The following DMD variants were observed in gnomAD, a reference collection of about 807,000 sequenced individuals.
DMD encodes dystrophin.
DMD carries 63 observed loss-of-function variants against 330.1 expected under a neutral mutation model. The ratio of observed to expected loss-of-function variants is 0.19; its 90% confidence interval spans 0.16 to 0.24. The LOEUF (loss-of-function observed/expected upper bound fraction) is 0.24. DMD is among the 10% of genes least tolerant of loss of function. The pLI, the probability that DMD is intolerant of heterozygous loss-of-function variation, is 1.00. For missense variants in DMD, 3,344 were observed against 2,684.1 expected, an observed-to-expected ratio of 1.25 and a Z score of -5.43; for synonymous variants, 1,223 against 959.8, an observed-to-expected ratio of 1.27 and a Z score of -5.07.
chrX:33,002,346 G>A (rs1188443761), intron 2 of DMD, among the ~76,000 whole-genome samples: 4 of 111,300 alleles, frequency 3.6e-5, no homozygotes, highest in Admixed American at 9.6e-5. Flanking sequence ...ATGCCATAGT[G>A]TGAGAGCGGG....
At chrX:33,308,115 G>A (rs772487933) in intron 1 of DMD, among the ~76,000 whole-genome samples, 4 of 112,279 alleles carry the variant, frequency 3.6e-5, no homozygotes, top group Non-Finnish European at 7.5e-5. Flanking sequence ...TTGTGAATGT[G>A]CCATAAATGA....
At chrX:32,922,413 A>G (rs1313635712) in intron 2 of DMD, among the ~76,000 whole-genome samples, 1 of 111,910 alleles carries the variant, frequency 8.9e-6, no homozygotes, top group Non-Finnish European at 1.9e-5. Context: ...TTGAGAAAAT[A>G]TTTAGACCTA....
At chrX:32,874,734 G>C (rs753834467) in intron 2 of DMD, among the ~76,000 whole-genome samples, 13 of 111,741 alleles carry the variant, frequency 1.2e-4, no homozygotes, top group Non-Finnish European at 2.3e-4. Flanking sequence ...ATCATTATTA[G>C]TAACTTTTAG....
intron 48 of DMD, among the ~76,000 whole-genome samples, chrX:31,846,053 T>C (rs764490602): frequency 3.1e-4 from 34 of 109,101 alleles, no homozygotes; most frequent in Non-Finnish European, 6.1e-4. Context: ...CAAGAAAAGA[T>C]AGAAAGAGCA....
At chrX:33,123,419 T>C (rs749205183) in intron 1 of DMD, among the ~76,000 whole-genome samples, 1 of 108,085 alleles carries the variant, frequency 9.3e-6, no homozygotes, top group Non-Finnish European at 1.9e-5. Context: ...TGTTCTACTT[T>C]CTTTTGTTTT....
intron 1 of DMD, among the ~76,000 whole-genome samples, chrX:33,265,186 G>A (rs944038722): frequency 9.1e-6 from 1 of 109,888 alleles, no homozygotes; most frequent in African/African-American, 3.3e-5. Flanking sequence ...TGTAGACTTG[G>A]CAAGTCTATA....
intron 1 of DMD, among the ~76,000 whole-genome samples, chrX:33,097,985 C>T (rs2095191789): frequency 9.0e-6 from 1 of 111,382 alleles, no homozygotes; most frequent in African/African-American, 3.3e-5. Flanking sequence ...ATGATAGATA[C>T]AGAACATTTC....
At chrX:31,794,780 A>T (rs1009936720) in intron 50 of DMD, among the ~76,000 whole-genome samples, 2 of 110,197 alleles carry the variant, frequency 1.8e-5, no homozygotes, top group African/African-American at 6.6e-5. Context: ...CCAATTGTTT[A>T]AAAAATGGCC....
At chrX:33,269,695 T>G (rs188977568) in intron 1 of DMD, among the ~76,000 whole-genome samples, 8 of 111,642 alleles carry the variant, frequency 7.2e-5, no homozygotes, top group Admixed American at 5.7e-4. Flanking sequence ...ATTGGGGTGA[T>G]ATAATACAAT....
At chrX:32,333,106 T>C (rs1191432093) in intron 41 of DMD, among the ~76,000 whole-genome samples, 1 of 111,803 alleles carries the variant, frequency 8.9e-6, no homozygotes, top group Non-Finnish European at 1.9e-5. Context: ...CATGTTTCAT[T>C]GATGTCCAGC....
chrX:32,346,713 A>G (rs1409991036), intron 38 of DMD, among the ~76,000 whole-genome samples: 1 of 111,904 alleles, frequency 8.9e-6, no homozygotes, highest in African/African-American at 3.2e-5. Context: ...AAATACGATC[A>G]AATAATACTA....
intron 31 of DMD, 57 bp from the exon 32 acceptor site, chrX:32,389,731 G>A: frequency 9.3e-7 from 1 of 1,069,791 alleles, no homozygotes; most frequent in South Asian, 1.9e-5. Context: ...ACAATAACTG[G>A]TCCTATTTTT....
chrX:32,132,362 A>G (rs2096700176), intron 44 of DMD, among the ~76,000 whole-genome samples: 1 of 111,827 alleles, frequency 8.9e-6, no homozygotes, highest in Non-Finnish European at 1.9e-5. Context: ...CACTTCTCAC[A>G]CATTTAAATC....
rs986918272 is a variant in DMD, at chrX:31,679,499, G to A, written c.7748C>T (p.Thr2583Ile). 38 of 1,210,125 alleles carry A rather than the reference G, an allele frequency of 3.1e-5. No homozygotes were observed. The highest frequency in any genetic ancestry group is 4.2e-5 in the Non-Finnish European group (38 of 895,162). The change falls in exon 53 of 79, where the codon ACA becomes ATA. Residue 2583 changes from threonine to isoleucine, a missense_variant. Thr to Ile is a moderately conservative substitution (Grantham distance 89). Transcript: ENST00000357033. Reference protein sequence around the residue: ...QQLNEMLKDSTQWLEAKEEAE... With the variant: ...QQLNEMLKDSIQWLEAKEEAE... The stretch of plus-strand genomic sequence containing the variant: ...TTCTTCCTTAGCTTCCAGCCATTGT[G>A]TTGAATCCTTTAACATTTCATTCAA...
At chrX:31,479,870 G>A (rs1214408639) in intron 57 of DMD, among the ~76,000 whole-genome samples, 2 of 111,846 alleles carry the variant, frequency 1.8e-5, no homozygotes, top group Non-Finnish European at 3.8e-5. Context: ...AACACTAGAA[G>A]CAGAGTGAAA....
At chrX:31,801,491 G>A (rs183074689) in intron 50 of DMD, among the ~76,000 whole-genome samples, 3 of 110,361 alleles carry the variant, frequency 2.7e-5, no homozygotes, top group East Asian at 5.7e-4. Context: ...AGATGTCTGG[G>A]GATCTAATGT....
At chrX:32,840,122 C>T (rs1167556082) in intron 4 of DMD, among the ~76,000 whole-genome samples, 2 of 112,076 alleles carry the variant, frequency 1.8e-5, no homozygotes, top group Non-Finnish European at 3.8e-5. Flanking sequence ...TGTCCTCTAA[C>T]GCATAGGCCA....
chrX:33,331,144 G>A (rs1421675526), intron 1 of DMD, among the ~76,000 whole-genome samples: 1 of 111,674 alleles, frequency 9.0e-6, no homozygotes, highest in East Asian at 2.8e-4. Flanking sequence ...CAGTTGGTGG[G>A]CTCTAATCCT....
rs997842195 is a variant in DMD at position 31,258,384 on chromosome X, C to T, written c.9286+2571G>A. 1.1e-4 allele frequency among the ~76,000 whole-genome samples: 12 copies of T among 112,539 alleles called. 1 individual carries two copies. In the East Asian group the frequency reaches 3.1e-3, roughly 29 times the overall value. Reference sequence around the variant, plus strand: ...AAATGGGAGATGTTATCTGATGAATCACCACTTGGATAAAAGCCCAACGAA... The same window carrying T: ...AAATGGGAGATGTTATCTGATGAATTACCACTTGGATAAAAGCCCAACGAA... On this transcript the variant is annotated intron_variant, in intron 63 of 78. Transcript: ENST00000357033.
Sources: gnomAD v4.1 joint callset for allele counts (sites outside exome capture counted in the v4.1 genomes callset) on GRCh38, gnomAD v4.1.1 for gene constraint, MANE v1.5 for transcripts, NCBI Gene and HGNC (gene_info 2026-07-23, HGNC 2026-07-21) for gene names.